Variants in CNGA1 observed in about 807,000 individuals in gnomAD.
CNGA1 encodes the protein cyclic nucleotide-gated channel alpha-1.
In CNGA1, 53 loss-of-function variants were observed where a neutral mutation model predicts 69.7. That is an observed-to-expected ratio of 0.76 (90% confidence interval 0.61 to 0.96). The LOEUF is 0.96. Ranked by LOEUF, CNGA1 falls within the 40% of genes least tolerant of loss-of-function variation. CNGA1 has a pLI of 0.00. For synonymous variants in CNGA1, 249 were observed against 283.5 expected (o/e 0.88, Z 1.22); for missense variants, 739 against 811.2 (o/e 0.91, Z 1.08).
chr4:47,950,987 C>T (rs554946575), intron 5 of CNGA1, among the ~76,000 whole-genome samples: 16 of 152,300 alleles, frequency 1.1e-4, no homozygotes, highest in African/African-American at 3.8e-4. Context: ...AAGGGACAGA[C>T]CCCAGTGGGT....
chr4:47,953,070 C>T (rs1260157242), intron 3 of CNGA1, among the ~76,000 whole-genome samples: 1 of 152,188 alleles, frequency 6.6e-6, no homozygotes, highest in Non-Finnish European at 1.5e-5. Context: ...CTGAGTTCCT[C>T]CCATGACACA....
rs1411907666 is a variant in CNGA1, at chr4:47,976,212, T to C, written c.-15+5181A>G. Among the ~76,000 whole-genome samples the C allele has an allele frequency of 1.6e-3, 96 of 58,822 alleles. 2 individuals are homozygous for C. The highest frequency in any genetic ancestry group is 3.2e-3 in the African/African-American group (28 of 8,664). The allele number at this position is 58,822 out of a possible 152,430, so 38.6% of individuals were successfully genotyped here. On this transcript the variant is annotated intron_variant, in intron 3 of 10. Transcript: ENST00000514170. ...ATACATATATATGTATATATATATA[T>C]ACACATACATATATATATACATATA...
chr4:47,990,878 G>A (rs951805741), intron 2 of CNGA1, among the ~76,000 whole-genome samples: 6 of 152,068 alleles, frequency 3.9e-5, no homozygotes, highest in East Asian at 1.9e-4. Context: ...TCCCACTTAC[G>A]AGCGAGAATA....
intron 2 of CNGA1, among the ~76,000 whole-genome samples, chr4:48,006,278 G>C (rs991877678): frequency 2.0e-5 from 3 of 152,056 alleles, no homozygotes; most frequent in African/African-American, 7.2e-5. Flanking sequence ...ACCAAAAAAA[G>C]ACAATAATTG....
At chr4:47,954,628 C>T (rs1739952298) in intron 3 of CNGA1, among the ~76,000 whole-genome samples, 1 of 152,250 alleles carries the variant, frequency 6.6e-6, no homozygotes, top group Admixed American at 6.5e-5. Context: ...ATGGTTCTGA[C>T]TGCAGAGTGG....
chr4:48,009,472 A>AAG (rs1183061091), intron 2 of CNGA1, among the ~76,000 whole-genome samples: 1 of 151,362 alleles, frequency 6.6e-6, no homozygotes, highest in Admixed American at 6.6e-5. Context: ...CTCAAAAAAA[A>AAG]AAAAAAAAAG....
chr4:47,945,993 T>C (rs983181650), intron 6 of CNGA1, among the ~76,000 whole-genome samples: 1 of 152,084 alleles, frequency 6.6e-6, no homozygotes, highest in Non-Finnish European at 1.5e-5. Context: ...AAAAGGGAAA[T>C]GTATATAGTT....
intron 6 of CNGA1, among the ~76,000 whole-genome samples, chr4:47,946,500 C>A (rs1370508240): frequency 6.6e-6 from 1 of 152,196 alleles, no homozygotes. Flanking sequence ...GTCATGACAG[C>A]CTTGAGGGAC....
chr4:47,953,967 C>T (rs749874606), intron 3 of CNGA1, among the ~76,000 whole-genome samples: 1 of 152,106 alleles, frequency 6.6e-6, no homozygotes, highest in Admixed American at 6.5e-5. Context: ...CTCAATGTTG[C>T]ATTTTCTGAG....
At chr4:48,013,824 G>A (rs530771532) in intron 1 of CNGA1, among the ~76,000 whole-genome samples, 1 of 152,202 alleles carries the variant, frequency 6.6e-6, no homozygotes, top group South Asian at 2.1e-4. Context: ...TTTTTGCAAA[G>A]GTGGTTTCTA....
intron 3 of CNGA1, among the ~76,000 whole-genome samples, chr4:47,962,276 G>A (rs186376835): frequency 6.6e-6 from 1 of 151,480 alleles, no homozygotes; most frequent in Non-Finnish European, 1.5e-5. Flanking sequence ...CCAGGGAGTC[G>A]GAGGTTGCAG....
chr4:47,951,536 C>T (rs1260859364), intron 4 of CNGA1, 67 bp from the exon 5 acceptor site: 1 of 1,005,490 alleles, frequency 9.9e-7, no homozygotes, highest in African/African-American at 1.6e-5. Context: ...AGGCAACATT[C>T]CTCACTAGGG....
At chr4:47,972,117 A>G (rs1454213018) in intron 3 of CNGA1, among the ~76,000 whole-genome samples, 1 of 152,196 alleles carries the variant, frequency 6.6e-6, no homozygotes, top group Non-Finnish European at 1.5e-5. Context: ...TCTATGCATA[A>G]TTCTGCAACT....
intron 3 of CNGA1, among the ~76,000 whole-genome samples, chr4:47,968,688 GT>G (rs1267578008): frequency 6.6e-6 from 1 of 152,160 alleles, no homozygotes; most frequent in Non-Finnish European, 1.5e-5. Flanking sequence ...GAGTCTCTCT[GT>G]TGGAAGAGAA....
At chr4:47,959,730 A>G (rs1740311708) in intron 3 of CNGA1, among the ~76,000 whole-genome samples, 1 of 152,136 alleles carries the variant, frequency 6.6e-6, no homozygotes, top group Non-Finnish European at 1.5e-5. Flanking sequence ...CAGTCACCAG[A>G]GTAGCTGGGA....
intron 4 of CNGA1, among the ~76,000 whole-genome samples, chr4:47,951,924 A>G (rs564670764): frequency 6.6e-6 from 1 of 152,350 alleles, no homozygotes; most frequent in South Asian, 2.1e-4. Flanking sequence ...CTAGCATTTC[A>G]TACTCTGAGT....
chr4:47,952,470 A>G, intron 4 of CNGA1, 113 bp downstream of exon 4: 1 of 1,037,054 alleles, frequency 9.6e-7, no homozygotes. Context: ...AATTTGCTAA[A>G]TACATTACAA....
intron 2 of CNGA1, among the ~76,000 whole-genome samples, chr4:47,983,448 G>C (rs1053675995): frequency 6.6e-6 from 1 of 152,010 alleles, no homozygotes; most frequent in African/African-American, 2.4e-5. Context: ...AACTAGCTGG[G>C]CGTGGTGGTA....
chr4:47,974,883 C>CA (rs919662504), intron 3 of CNGA1, among the ~76,000 whole-genome samples: 5 of 151,938 alleles, frequency 3.3e-5, no homozygotes, highest in Admixed American at 2.6e-4. Context: ...GAAACCCTGA[C>CA]AAAAAAATCT....
Sources: gnomAD v4.1 joint callset for allele counts (sites outside exome capture counted in the v4.1 genomes callset) on GRCh38, gnomAD v4.1.1 for gene constraint, MANE v1.5 for transcripts, NCBI Gene and HGNC (gene_info 2026-07-23, HGNC 2026-07-21) for gene names.